The following STAMBPL1 variants were observed in gnomAD, a reference collection of about 807,000 sequenced individuals.
The protein encoded by STAMBPL1 is STAM binding protein like 1.
In STAMBPL1, 44 loss-of-function variants were observed where a neutral mutation model predicts 52.9. That is an observed-to-expected ratio of 0.83 (90% CI 0.65 to 1.07). The LOEUF is 1.07. Among genes scored for constraint, STAMBPL1 ranks in the 50% least tolerant of loss-of-function variants. STAMBPL1 has a pLI of 0.00. For missense variants in STAMBPL1, 511 were observed against 520.8 expected (o/e 0.98, Z 0.18); for synonymous variants, 164 against 177.3 (o/e 0.92, Z 0.60).
chr10:88,921,154 C>T, intron 8 of STAMBPL1, 129 bp from the exon 9 acceptor site: 1 of 666,902 alleles, frequency 1.5e-6, no homozygotes, highest in Middle Eastern at 3.5e-4. Flanking sequence ...GTCAGCAAAA[C>T]CTTTTTAAAA....
chr10:88,880,728 G>T (rs1188117427), intron 1 of STAMBPL1, 90 bp downstream of exon 1: 1 of 152,230 alleles, frequency 6.6e-6, no homozygotes, highest in African/African-American at 2.4e-5. Context: ...CCTGGCGCGC[G>T]CCGGCCCTTC....
intron 8 of STAMBPL1, 25 bp downstream of exon 8, chr10:88,916,842 G>A (rs1564633964): frequency 2.7e-6 from 4 of 1,507,224 alleles, no homozygotes; most frequent in Admixed American, 2.1e-5. Flanking sequence ...TTGGGTTTCA[G>A]TTTTTTTGTG....
At chr10:88,886,821 T>C (rs1250150080) in intron 1 of STAMBPL1, among the ~76,000 whole-genome samples, 1 of 152,208 alleles carries the variant, frequency 6.6e-6, no homozygotes, top group African/African-American at 2.4e-5. Flanking sequence ...ACTTGCCTGC[T>C]AGTGCACTAA....
chr10:88,898,683 T>A (rs1273145801), intron 1 of STAMBPL1, among the ~76,000 whole-genome samples: 1 of 152,246 alleles, frequency 6.6e-6, no homozygotes, highest in Non-Finnish European at 1.5e-5. Context: ...ATGTTTAAGA[T>A]ATGTTTAAAC....
intron 1 of STAMBPL1, among the ~76,000 whole-genome samples, chr10:88,881,170 C>T (rs1187525602): frequency 6.6e-6 from 1 of 152,144 alleles, no homozygotes; most frequent in Non-Finnish European, 1.5e-5. Context: ...GACATTGCCC[C>T]TCACCTGAAT....
At chr10:88,886,797 G>A (rs1374223806) in intron 1 of STAMBPL1, among the ~76,000 whole-genome samples, 1 of 152,150 alleles carries the variant, frequency 6.6e-6, no homozygotes, top group Non-Finnish European at 1.5e-5. Context: ...CCCCTTTAGA[G>A]TGTTACATTT....
At chr10:88,914,829 G>A (rs1354483849) in intron 7 of STAMBPL1, among the ~76,000 whole-genome samples, 171 bp downstream of exon 7, 1 of 151,970 alleles carries the variant, frequency 6.6e-6, no homozygotes, top group African/African-American at 2.4e-5. Flanking sequence ...CATTACTAAT[G>A]GAATGATCCT....
intron 8 of STAMBPL1, 149 bp downstream of exon 8, chr10:88,916,966 G>A (rs1243819200): frequency 1.1e-5 from 9 of 818,716 alleles, no homozygotes; most frequent in Non-Finnish European, 1.6e-5. Flanking sequence ...TGGTTCTCAA[G>A]CAAAGAGAAA....
chr10:88,908,845 T>C, intron 4 of STAMBPL1, 68 bp downstream of exon 4: 1 of 1,185,974 alleles, frequency 8.4e-7, no homozygotes, highest in Non-Finnish European at 1.2e-6. Flanking sequence ...GATTCACCCT[T>C]CCCCTTCCTC....
chr10:88,899,225 G>A (rs558575485), intron 1 of STAMBPL1, among the ~76,000 whole-genome samples: 2 of 152,190 alleles, frequency 1.3e-5, no homozygotes, highest in African/African-American at 4.8e-5. Context: ...TAAGAATCCT[G>A]CTTAATTCAT....
rs1845561475 is a variant in STAMBPL1 at position 88,923,295 on chromosome 10, A to C, written c.*71A>C. 1 of 1,515,890 alleles carries C rather than the reference A, an allele frequency of 6.6e-7. No homozygotes were observed. The highest frequency in any genetic ancestry group is 8.8e-7 in the Non-Finnish European group (1 of 1,137,356). The allele number at this position is 1,515,890 out of a possible 1,614,324, so 93.9% of individuals were successfully genotyped here. ...GACATGTGGTTGCCGGATTTTCTTA[A>C]GATGTTTCCAGAAATGACTGATATT... is the stretch of plus-strand genomic sequence containing the variant. On this transcript the variant is annotated 3_prime_UTR_variant, in exon 11 of 11. Transcript: ENST00000371926.
At chr10:88,881,333 AT>A (rs1393550686) in intron 1 of STAMBPL1, among the ~76,000 whole-genome samples, 2 of 152,154 alleles carry the variant, frequency 1.3e-5, no homozygotes, top group Non-Finnish European at 2.9e-5. Flanking sequence ...TTAAAAGAAA[AT>A]TTATGTAAGG....
intron 1 of STAMBPL1, among the ~76,000 whole-genome samples, chr10:88,894,067 TTGAG>T (rs1353638974): frequency 6.6e-6 from 1 of 152,146 alleles, no homozygotes; most frequent in African/African-American, 2.4e-5. Context: ...TCGTAATCAT[TTGAG>T]TGTTTCCTGG....
At chr10:88,895,038 C>T (rs12254451) in intron 1 of STAMBPL1, among the ~76,000 whole-genome samples, 11,017 of 152,120 alleles carry the variant, frequency 0.072, 1,012 homozygotes, top group African/African-American at 0.21. Context: ...TAGAAGAGAA[C>T]GGTTTTAGGG....
intron 1 of STAMBPL1, among the ~76,000 whole-genome samples, chr10:88,896,107 A>T (rs1844804498): frequency 6.6e-6 from 1 of 152,218 alleles, no homozygotes; most frequent in Admixed American, 6.5e-5. Flanking sequence ...TAGGGAAAAA[A>T]TCCAATAAAA....
At chr10:88,882,286 T>C (rs2133107653) in intron 1 of STAMBPL1, 2 of 152,390 alleles carry the variant, frequency 1.3e-5, no homozygotes, top group Middle Eastern at 6.8e-3. Flanking sequence ...AGGAACCAGT[T>C]TCCTGAGGAT....
At chr10:88,917,631 G>T (rs1296631223) in intron 8 of STAMBPL1, among the ~76,000 whole-genome samples, 1 of 152,138 alleles carries the variant, frequency 6.6e-6, no homozygotes, top group Non-Finnish European at 1.5e-5. Flanking sequence ...TCAGAAAATT[G>T]TAACTGTTAT....
intron 1 of STAMBPL1, among the ~76,000 whole-genome samples, chr10:88,895,135 G>T (rs1217286377): frequency 6.6e-6 from 1 of 152,178 alleles, no homozygotes; most frequent in Non-Finnish European, 1.5e-5. Flanking sequence ...GGCTGTCCTT[G>T]GACTTGACCC....
intron 1 of STAMBPL1, among the ~76,000 whole-genome samples, chr10:88,892,276 A>T (rs749387844): frequency 6.6e-6 from 1 of 151,776 alleles, no homozygotes; most frequent in Non-Finnish European, 1.5e-5. Flanking sequence ...TCCCTGGGGC[A>T]CCCTTCCCAG....
Sources: gnomAD v4.1 joint callset for allele counts (sites outside exome capture counted in the v4.1 genomes callset) on GRCh38, gnomAD v4.1.1 for gene constraint, MANE v1.5 for transcripts, NCBI Gene and HGNC (gene_info 2026-07-23, HGNC 2026-07-21) for gene names.